Variants in KCNH8 observed in about 807,000 individuals in gnomAD.
KCNH8 encodes the protein potassium voltage-gated channel subfamily H member 8, also known as voltage-gated delayed rectifier potassium channel KCNH8.
KCNH8 carries 70 observed loss-of-function variants against 103.6 expected under a neutral mutation model. That is an observed-to-expected ratio of 0.68 (90% CI 0.56 to 0.82). The LOEUF (loss-of-function observed/expected upper bound fraction) is 0.82. Ranked by LOEUF, KCNH8 falls within the 40% of genes least tolerant of loss-of-function variation. The probability of loss-of-function intolerance (pLI) is 0.00; values close to 1 mark genes in which losing one functional copy is unlikely to be tolerated. For missense variants in KCNH8, 1,217 were observed against 1,329.9 expected, an observed-to-expected ratio of 0.92 and a Z score of 1.32; for synonymous variants, 498 against 489.4, an observed-to-expected ratio of 1.02 and a Z score of -0.23.
rs1018671232 is a variant in KCNH8, at chr3:19,534,986, A to G, written c.*887A>G. The G allele has an allele frequency of 1.3e-5, 2 of 152,204 alleles. No homozygotes were observed. Among genetic ancestry groups the G allele is most frequent in the African/African-American group, 4.8e-5 (2 of 41,438 alleles). 9.4% of individuals were successfully genotyped at this position (152,204 alleles called of 1,614,324 possible). Reference sequence around the variant, plus strand: ...ACATGGACTGAGTGTCAACTACATGAGCTTTGGCATGGGGATAGAGAGGCT... The same window carrying G: ...ACATGGACTGAGTGTCAACTACATGGGCTTTGGCATGGGGATAGAGAGGCT... On this transcript the variant is annotated 3_prime_UTR_variant, in exon 16 of 16. Coordinates refer to ENST00000328405, the MANE Select transcript of KCNH8 (RefSeq NM_144633.3).
intron 3 of KCNH8, among the ~76,000 whole-genome samples, chr3:19,282,413 G>A (rs140184726): frequency 9.9e-5 from 15 of 152,246 alleles, no homozygotes; most frequent in Admixed American, 9.8e-4. Flanking sequence ...ATGAAAATTG[G>A]TGTGTATAGT....
intron 1 of KCNH8, among the ~76,000 whole-genome samples, chr3:19,175,366 C>T (rs1277270842): frequency 6.6e-6 from 1 of 151,454 alleles, no homozygotes; most frequent in Non-Finnish European, 1.5e-5. Context: ...GGACTACAGG[C>T]GCCCGCCACT....
intron 5 of KCNH8, among the ~76,000 whole-genome samples, chr3:19,366,695 C>T (rs905696413): frequency 2.6e-5 from 4 of 151,914 alleles, no homozygotes; most frequent in Non-Finnish European, 1.5e-5. Flanking sequence ...AAATTCTACT[C>T]TCAAAATAGA....
At chr3:19,279,893 T>A (rs2064734341) in intron 2 of KCNH8, among the ~76,000 whole-genome samples, 1 of 152,078 alleles carries the variant, frequency 6.6e-6, no homozygotes, top group Non-Finnish European at 1.5e-5. Flanking sequence ...ATATCAGGGA[T>A]ATTTCTGACC....
rs547303520 is a variant in KCNH8 at position 19,238,963 on chromosome 3, C to T, written c.77-14691C>T. ...GCAAACCTAGAAAGTTCCCAGAAAACGTATGTAATTATTAGAATACAGGAC... is the reference window on the plus strand; with the variant it reads ...GCAAACCTAGAAAGTTCCCAGAAAATGTATGTAATTATTAGAATACAGGAC... On this transcript the variant is annotated intron_variant, in intron 1 of 15. Coordinates refer to ENST00000328405, the MANE Select transcript of KCNH8 (RefSeq NM_144633.3). Among the ~76,000 whole-genome samples, 17 of 152,134 alleles carry T rather than the reference C, an allele frequency of 1.1e-4. 1 individual carries two copies. The highest frequency in any genetic ancestry group is 8.3e-4 in the South Asian group (4 of 4,824).
chr3:19,497,626 C>T (rs1014854623), intron 11 of KCNH8, among the ~76,000 whole-genome samples: 1 of 151,954 alleles, frequency 6.6e-6, no homozygotes, highest in Admixed American at 6.6e-5. Context: ...ATTTCAATTT[C>T]TTTGAATTTG....
chr3:19,230,831 A>G (rs2063985963), intron 1 of KCNH8, among the ~76,000 whole-genome samples: 1 of 152,218 alleles, frequency 6.6e-6, no homozygotes, highest in South Asian at 2.1e-4. Context: ...ATTTGGCACA[A>G]TGCTTTCGTT....
chr3:19,373,910 T>G (rs2066146657), intron 5 of KCNH8, among the ~76,000 whole-genome samples: 2 of 152,190 alleles, frequency 1.3e-5, no homozygotes, highest in Admixed American at 1.3e-4. Flanking sequence ...TCCATGTAGT[T>G]GAGCGGTTTT....
chr3:19,433,580 C>T (rs1158450152), intron 7 of KCNH8, among the ~76,000 whole-genome samples: 4 of 152,168 alleles, frequency 2.6e-5, no homozygotes, highest in Non-Finnish European at 5.9e-5. Flanking sequence ...CAATTAGTAG[C>T]AAGACCAAGC....
At chr3:19,370,552 T>C (rs916448042) in intron 5 of KCNH8, among the ~76,000 whole-genome samples, 1 of 152,098 alleles carries the variant, frequency 6.6e-6, no homozygotes, top group African/African-American at 2.4e-5. Flanking sequence ...TTATCATATA[T>C]TATTACTAAG....
intron 7 of KCNH8, among the ~76,000 whole-genome samples, chr3:19,403,405 C>T (rs752223195): frequency 7.6e-4 from 84 of 110,068 alleles, no homozygotes; most frequent in Non-Finnish European, 1.3e-3. Context: ...TATATAAAAT[C>T]CTTCTGTTTA....
intron 1 of KCNH8, among the ~76,000 whole-genome samples, chr3:19,228,526 A>T (rs1232909428): frequency 6.6e-6 from 1 of 152,206 alleles, no homozygotes; most frequent in Non-Finnish European, 1.5e-5. Flanking sequence ...CAGATGTGAA[A>T]TTTTAGGGGC....
At chr3:19,377,805 A>G (rs1257732227) in intron 5 of KCNH8, among the ~76,000 whole-genome samples, 1 of 152,210 alleles carries the variant, frequency 6.6e-6, no homozygotes, top group African/African-American at 2.4e-5. Context: ...GATTTTCAAG[A>G]CCAACCATCA....
chr3:19,510,390 A>C lies in KCNH8; in HGVS notation c.2068A>C (p.Met690Leu), dbSNP rs1026964960. Residue 690 changes from methionine (M) to leucine (L), a missense_variant, in exon 12 of 16, where the codon ATG becomes CTG. By Grantham distance (15) the Met-to-Leu change is conservative. Transcript: ENST00000328405. ...GATATCAAGACTATCAAACAAATCT[A>C]TGGTCTCACAGGTATGGCTTTTGCT... is the stretch of plus-strand genomic sequence containing the variant. ...DVISRLSNKS[M>L]VSQSEPKGNG... 23 of 1,579,984 alleles carry C rather than the reference A, an allele frequency of 1.5e-5. No individual in the cohort carries two copies. Among genetic ancestry groups the C allele is most frequent in the Non-Finnish European group, 2.0e-5 (23 of 1,149,208 alleles).
chr3:19,350,825 T>C (rs1165440135), intron 5 of KCNH8, among the ~76,000 whole-genome samples: 1 of 152,090 alleles, frequency 6.6e-6, no homozygotes, highest in East Asian at 1.9e-4. Flanking sequence ...GCACCTCTTC[T>C]CCTCCAAAGG....
intron 3 of KCNH8, among the ~76,000 whole-genome samples, chr3:19,317,728 A>AT (rs1204639952): frequency 6.6e-6 from 1 of 151,992 alleles, no homozygotes; most frequent in Admixed American, 6.6e-5. Flanking sequence ...CAAAAAGCAC[A>AT]TAATTATCTC....
chr3:19,190,091 A>C (rs1231742510), intron 1 of KCNH8, among the ~76,000 whole-genome samples: 1 of 151,952 alleles, frequency 6.6e-6, no homozygotes, highest in Non-Finnish European at 1.5e-5. Context: ...GGAATACTTA[A>C]GGTGAGATAT....
At chr3:19,478,346 G>A (rs1028249984) in intron 11 of KCNH8, among the ~76,000 whole-genome samples, 6 of 151,914 alleles carry the variant, frequency 3.9e-5, no homozygotes, top group Non-Finnish European at 7.4e-5. Flanking sequence ...TTTAGTTTTT[G>A]AGAAATCTCC....
chr3:19,374,660 G>T (rs1377913081), intron 5 of KCNH8, among the ~76,000 whole-genome samples: 1 of 151,414 alleles, frequency 6.6e-6, no homozygotes, highest in African/African-American at 2.4e-5. Flanking sequence ...ATGTCAGCTG[G>T]TTCTTTTGCT....
Sources: gnomAD v4.1 joint callset for allele counts (sites outside exome capture counted in the v4.1 genomes callset) on GRCh38, gnomAD v4.1.1 for gene constraint, MANE v1.5 for transcripts, NCBI Gene and HGNC (gene_info 2026-07-23, HGNC 2026-07-21) for gene names.